ANKRD17: variants seen among roughly 807,000 people sequenced by gnomAD.
The protein encoded by ANKRD17 is ankyrin repeat domain-containing protein 17.
Under a neutral mutation model 229.7 loss-of-function variants are expected in ANKRD17, and 19 were observed. That is an observed-to-expected ratio of 0.08 (90% CI 0.06 to 0.12). ANKRD17 has a LOEUF of 0.12. Ranked by LOEUF, ANKRD17 falls within the 10% of genes least tolerant of loss-of-function variation. The probability of loss-of-function intolerance (pLI) is 1.00; values close to 1 mark genes in which losing one functional copy is unlikely to be tolerated. For missense variants in ANKRD17, 2,176 were observed against 3,176.8 expected (o/e 0.68, Z 7.57); for synonymous variants, 1,112 against 1,146.1 (o/e 0.97, Z 0.60).
intron 24 of ANKRD17, among the ~76,000 whole-genome samples, chr4:73,112,446 T>C (rs1282007640): frequency 6.6e-6 from 1 of 152,240 alleles, no homozygotes; most frequent in Non-Finnish European, 1.5e-5. Flanking sequence ...GTGGTCATTA[T>C]ATCTCTTAAT....
At chr4:73,170,407 T>C (rs1733828945) in intron 2 of ANKRD17, among the ~76,000 whole-genome samples, 1 of 151,694 alleles carries the variant, frequency 6.6e-6, no homozygotes, top group African/African-American at 2.4e-5. Flanking sequence ...CCTTGGGCCC[T>C]GAAGAACCAG....
At chr4:73,130,151 A>G (rs948197773) in intron 16 of ANKRD17, among the ~76,000 whole-genome samples, 1 of 152,140 alleles carries the variant, frequency 6.6e-6, no homozygotes, top group African/African-American at 2.4e-5. Flanking sequence ...CACAACCTTC[A>G]AAATCCTTAA....
intron 2 of ANKRD17, among the ~76,000 whole-genome samples, chr4:73,174,075 G>A (rs1560652238): frequency 1.8e-5 from 2 of 110,644 alleles, no homozygotes; most frequent in Non-Finnish European, 4.1e-5. Context: ...GGAGAAGGAA[G>A]GCGAGGGAAG....
chr4:73,142,908 C>T (rs533303842), intron 11 of ANKRD17, 141 bp from the exon 12 acceptor site: 2 of 878,646 alleles, frequency 2.3e-6, no homozygotes, highest in East Asian at 5.7e-5. Context: ...TGATTATAAA[C>T]ACAAGGCCAA....
intron 25 of ANKRD17, chr4:73,098,884 T>C (rs1578040390): frequency 7.8e-7 from 1 of 1,284,502 alleles, no homozygotes; most frequent in Non-Finnish European, 1.1e-6. Flanking sequence ...TGGACAGCAC[T>C]GAGAAGCGGG....
chr4:73,242,433 A>G (rs982466866), intron 1 of ANKRD17, among the ~76,000 whole-genome samples: 8 of 152,206 alleles, frequency 5.3e-5, no homozygotes, highest in African/African-American at 1.9e-4. Flanking sequence ...AATCTATACA[A>G]AAACTAAAAT....
At chr4:73,128,770 A>G (rs1727805741) in intron 16 of ANKRD17, among the ~76,000 whole-genome samples, 1 of 152,202 alleles carries the variant, frequency 6.6e-6, no homozygotes, top group South Asian at 2.1e-4. Flanking sequence ...GTGGAAATGA[A>G]GTTAAAAGTG....
At chr4:73,160,287 C>T (rs1343829255) in intron 3 of ANKRD17, among the ~76,000 whole-genome samples, 5 of 137,538 alleles carry the variant, frequency 3.6e-5, no homozygotes, top group East Asian at 2.2e-4. Flanking sequence ...GGCGCAATCT[C>T]GGCTCACTGC....
intron 1 of ANKRD17, among the ~76,000 whole-genome samples, chr4:73,227,549 TA>T (rs1742636623): frequency 6.6e-6 from 1 of 152,150 alleles, no homozygotes; most frequent in East Asian, 1.9e-4. Context: ...ACAGAAGTAT[TA>T]AAGTGTAAAT....
chr4:73,130,373 C>G (rs1474514175), intron 16 of ANKRD17, among the ~76,000 whole-genome samples: 1 of 152,082 alleles, frequency 6.6e-6, no homozygotes, highest in East Asian at 1.9e-4. Flanking sequence ...GCTGGCCTCT[C>G]TAATTTCTCA....
chr4:73,079,495 C>A (rs962593820), intron 30 of ANKRD17, among the ~76,000 whole-genome samples: 1 of 152,012 alleles, frequency 6.6e-6, no homozygotes, highest in Non-Finnish European at 1.5e-5. Flanking sequence ...TGGGCTCAAG[C>A]GATCCTCCCA....
At chr4:73,211,714 G>A (rs967837442) in intron 1 of ANKRD17, among the ~76,000 whole-genome samples, 7 of 151,990 alleles carry the variant, frequency 4.6e-5, no homozygotes, top group Non-Finnish European at 1.0e-4. Context: ...GGGCGTGGTG[G>A]CAGGTGCCTG....
At position 73,091,135 on chromosome 4, in the gene ANKRD17, C is replaced by T; in HGVS notation, c.6493G>A (p.Gly2165Arg). 2.5e-6 allele frequency: 4 copies of T among 1,614,054 alleles called. No individual in the cohort carries two copies. Among genetic ancestry groups the T allele is most frequent in the African/African-American group, 2.7e-5 (2 of 74,994 alleles). The change falls in exon 29 of 34, where the codon GGA becomes AGA. Residue 2165 changes from glycine to arginine, a missense_variant. By Grantham distance (125) the Gly-to-Arg change is moderately radical. This residue lies in a region of ANKRD17 where 424 missense variants were observed against 454.0 expected (regional missense o/e 0.93). Coordinates refer to ENST00000358602, the MANE Select transcript of ANKRD17 (RefSeq NM_032217.5). ...ATTTTAGGAGTAGGCTGGGGGCATC[C>T]CATTGGTGTCTGAGGCATAGGGTAA... ...VTYPMPQTPMGCPQPTPKMET... is the reference protein window; with the variant it reads ...VTYPMPQTPMRCPQPTPKMET...
intron 1 of ANKRD17, among the ~76,000 whole-genome samples, chr4:73,220,611 CTAA>C (rs917504408): frequency 6.6e-6 from 1 of 152,026 alleles, no homozygotes; most frequent in African/African-American, 2.4e-5. Flanking sequence ...GTTATGTTCA[CTAA>C]TGATATTGAC....
In ANKRD17 at chr4:73,123,695, T is replaced by C. The variant is rs191318543; in HGVS notation, c.3492+1218A>G. 2.7e-3 allele frequency among the ~76,000 whole-genome samples: 412 copies of C among 152,178 alleles called. 7 individuals carry two copies. Among genetic ancestry groups the C allele is most frequent in the Non-Finnish European group, 2.4e-3 (163 of 67,956 alleles). ...TTATTAGATTTCCCATTCTTTTGTA[T>C]AGGAATTATTATATCTATTAAAATT... On this transcript the variant is annotated intron_variant, in intron 18 of 33. Transcript: ENST00000358602.
At chr4:73,220,283 G>A (rs1741674814) in intron 1 of ANKRD17, among the ~76,000 whole-genome samples, 1 of 152,080 alleles carries the variant, frequency 6.6e-6, no homozygotes, top group East Asian at 1.9e-4. Context: ...CTACTTTCCT[G>A]AGTATTAGTT....
chr4:73,193,851 G>A (rs964937105), intron 1 of ANKRD17, among the ~76,000 whole-genome samples: 1 of 152,118 alleles, frequency 6.6e-6, no homozygotes, highest in Non-Finnish European at 1.5e-5. Context: ...AGGATCCTTT[G>A]AGCCCAGGAG....
intron 16 of ANKRD17, among the ~76,000 whole-genome samples, chr4:73,127,386 A>C (rs1016295079): frequency 6.6e-6 from 1 of 152,228 alleles, no homozygotes; most frequent in Admixed American, 6.5e-5. Flanking sequence ...ATTAAATTAA[A>C]TATATTTTAA....
intron 29 of ANKRD17, among the ~76,000 whole-genome samples, chr4:73,086,544 C>T (rs200052577): frequency 4.0e-5 from 6 of 150,282 alleles, no homozygotes; most frequent in South Asian, 4.2e-4. Context: ...TTTAGTCTAA[C>T]GGGTTAAAAA....
Sources: gnomAD v4.1 joint callset for allele counts (sites outside exome capture counted in the v4.1 genomes callset) on GRCh38, gnomAD v4.1.1 for gene constraint, gnomAD v4.1.1 regional missense constraint, MANE v1.5 for transcripts, NCBI Gene and HGNC (gene_info 2026-07-23, HGNC 2026-07-21) for gene names.